The following HS6ST3 variants were observed in gnomAD, a reference collection of about 807,000 sequenced individuals.
HS6ST3 encodes the protein heparan sulfate 6-O-sulfotransferase 3.
HS6ST3 carries 12 observed loss-of-function variants against 36.7 expected under a neutral mutation model. The ratio of observed to expected loss-of-function variants is 0.33; its 90% CI spans 0.21 to 0.53. The LOEUF is 0.53. HS6ST3 is among the 20% of genes least tolerant of loss of function. The pLI, the probability that HS6ST3 is intolerant of heterozygous loss-of-function variation, is 0.95. For missense variants in HS6ST3, 584 were observed against 640.9 expected, an observed-to-expected ratio of 0.91 and a Z score of 0.96; for synonymous variants, 240 against 257.5, an observed-to-expected ratio of 0.93 and a Z score of 0.65.
chr13:96,228,816 C>T (rs773609403), intron 1 of HS6ST3, among the ~76,000 whole-genome samples: 6 of 152,216 alleles, frequency 3.9e-5, no homozygotes, highest in East Asian at 1.9e-4. Flanking sequence ...TAAAACAGAA[C>T]GTCATTAAAG....
At chr13:96,178,102 T>C (rs1228972619) in intron 1 of HS6ST3, among the ~76,000 whole-genome samples, 1 of 152,098 alleles carries the variant, frequency 6.6e-6, no homozygotes, top group Non-Finnish European at 1.5e-5. Flanking sequence ...TTCTAAACAA[T>C]TATGTGGGTT....
At chr13:96,586,564 A>G (rs1032718632) in intron 1 of HS6ST3, among the ~76,000 whole-genome samples, 1 of 151,742 alleles carries the variant, frequency 6.6e-6, no homozygotes, top group African/African-American at 2.4e-5. Context: ...CCAAAGTGCT[A>G]TGATTACAGG....
intron 1 of HS6ST3, among the ~76,000 whole-genome samples, chr13:96,345,929 G>A (rs1364675985): frequency 6.6e-6 from 1 of 152,218 alleles, no homozygotes; most frequent in East Asian, 1.9e-4. Flanking sequence ...GTCCTGGGCT[G>A]CAGGTGGCCC....
intron 1 of HS6ST3, among the ~76,000 whole-genome samples, chr13:96,214,904 C>T (rs913621372): frequency 1.3e-5 from 2 of 152,132 alleles, no homozygotes; most frequent in Non-Finnish European, 2.9e-5. Flanking sequence ...AAAAGAGAGA[C>T]GTGCTGCTTA....
intron 1 of HS6ST3, among the ~76,000 whole-genome samples, chr13:96,194,704 A>G (rs9525146): frequency 0.95 from 144,061 of 152,114 alleles, 68,321 homozygotes; most frequent in African/African-American, 0.97. Context: ...GAACTTATTC[A>G]TCTTGTAACT....
At chr13:96,453,498 A>T (rs1017254514) in intron 1 of HS6ST3, among the ~76,000 whole-genome samples, 1 of 152,218 alleles carries the variant, frequency 6.6e-6, no homozygotes, top group Admixed American at 6.5e-5. Flanking sequence ...AAAAGCTGCT[A>T]TAAGATGTGC....
intron 1 of HS6ST3, among the ~76,000 whole-genome samples, chr13:96,544,067 CCATGAACTCACCCTACATCCACAGAATGG>C (rs2056188229): frequency 6.6e-6 from 1 of 151,878 alleles, no homozygotes; most frequent in Admixed American, 6.6e-5. Context: ...CATCAGTAGA[CCATGAACTCACCCTACATCCACAGAATGG>C]CATAGCAACA....
At chr13:96,215,658 G>GT (rs149904919) in intron 1 of HS6ST3, among the ~76,000 whole-genome samples, 7 of 150,902 alleles carry the variant, frequency 4.6e-5, no homozygotes, top group South Asian at 4.2e-4. Flanking sequence ...GAATTTTTTC[G>GT]TTTTTTTTCC....
intron 1 of HS6ST3, among the ~76,000 whole-genome samples, chr13:96,319,201 C>T (rs1449220543): frequency 6.6e-6 from 1 of 152,104 alleles, no homozygotes; most frequent in South Asian, 2.1e-4. Context: ...TTTCTATAAA[C>T]AGAATTTGAA....
At chr13:96,690,912 A>T (rs1874938477) in intron 1 of HS6ST3, among the ~76,000 whole-genome samples, 1 of 152,094 alleles carries the variant, frequency 6.6e-6, no homozygotes, top group Non-Finnish European at 1.5e-5. Flanking sequence ...TGCGTACCTA[A>T]TAAATTATTT....
In HS6ST3 at chr13:96,617,811, T is replaced by C. The variant is rs114193415; in HGVS notation, c.708-214679T>C. 5.9e-3 allele frequency among the ~76,000 whole-genome samples: 891 copies of C among 152,248 alleles called. 5 individuals carry two copies. Among genetic ancestry groups the C allele is most frequent in the African/African-American group, 0.02 (841 of 41,552 alleles). On this transcript the variant is annotated intron_variant, in intron 1 of 1. Coordinates refer to ENST00000376705, the MANE Select transcript of HS6ST3 (RefSeq NM_153456.4). ...AAACTCTGGAGGTGGAGCCCAGATA[T>C]CTGGTTTCACAAGCCCTCCAGGTGA...
intron 1 of HS6ST3, among the ~76,000 whole-genome samples, chr13:96,281,857 C>T (rs1336679024): frequency 2.6e-5 from 4 of 152,184 alleles, no homozygotes; most frequent in Non-Finnish European, 5.9e-5. Flanking sequence ...CTGTCATCCT[C>T]ATGGCAAGAT....
chr13:96,649,140 C>T (rs2056599095), intron 1 of HS6ST3, among the ~76,000 whole-genome samples: 1 of 151,994 alleles, frequency 6.6e-6, no homozygotes, highest in South Asian at 2.1e-4. Flanking sequence ...TAATAGTCTG[C>T]TCTCACAGTG....
intron 1 of HS6ST3, among the ~76,000 whole-genome samples, chr13:96,799,456 A>C (rs961234288): frequency 6.6e-6 from 1 of 152,084 alleles, no homozygotes; most frequent in Non-Finnish European, 1.5e-5. Flanking sequence ...CAGCCATAAA[A>C]CATGATGAGT....
intron 1 of HS6ST3, among the ~76,000 whole-genome samples, chr13:96,823,793 T>C (rs1878589249): frequency 1.3e-5 from 2 of 152,092 alleles, no homozygotes. Flanking sequence ...CTACTTTTTG[T>C]ATTTTTAGTA....
chr13:96,217,504 C>T (rs1455489435), intron 1 of HS6ST3, among the ~76,000 whole-genome samples: 9 of 152,180 alleles, frequency 5.9e-5, no homozygotes, highest in African/African-American at 1.9e-4. Flanking sequence ...ACTTGTGTTA[C>T]TTACCTCACT....
intron 1 of HS6ST3, among the ~76,000 whole-genome samples, chr13:96,203,671 G>T (rs2054354611): frequency 6.6e-6 from 1 of 152,172 alleles, no homozygotes; most frequent in Non-Finnish European, 1.5e-5. Context: ...AAGGATGCTA[G>T]AAGCCAAATA....
chr13:96,203,294 T>G (rs1271194639), intron 1 of HS6ST3, among the ~76,000 whole-genome samples: 1 of 152,184 alleles, frequency 6.6e-6, no homozygotes, highest in African/African-American at 2.4e-5. Context: ...ATCCTCTTTC[T>G]GGTTTACCAG....
At chr13:96,274,348 A>G (rs1406083398) in intron 1 of HS6ST3, among the ~76,000 whole-genome samples, 1 of 151,984 alleles carries the variant, frequency 6.6e-6, no homozygotes, top group Non-Finnish European at 1.5e-5. Flanking sequence ...AGCTGAGGCC[A>G]GGAGGTTGAG....
Sources: allele counts gnomAD v4.1 joint callset (sites outside exome capture counted in the v4.1 genomes callset), GRCh38; gene constraint gnomAD v4.1.1; transcripts MANE v1.5; gene names NCBI Gene and HGNC (gene_info 2026-07-23, HGNC 2026-07-21).